The following FGF14 variants were observed in gnomAD, a reference collection of about 807,000 sequenced individuals.
The protein encoded by FGF14 is fibroblast growth factor 14.
In FGF14, 5 loss-of-function variants were observed where a neutral mutation model predicts 25.5. The ratio of observed to expected loss-of-function variants is 0.20; its 90% confidence interval spans 0.10 to 0.41. The LOEUF (loss-of-function observed/expected upper bound fraction) is 0.41, where lower values mean the gene tolerates loss of function less well. Ranked by LOEUF, FGF14 falls within the 10% of genes least tolerant of loss-of-function variation. The pLI is 1.00. For missense variants in FGF14, 222 were observed against 320.1 expected (o/e 0.69, Z 2.34); for synonymous variants, 138 against 118.3 (o/e 1.17, Z -1.08).
intron 1 of FGF14, among the ~76,000 whole-genome samples, chr13:102,008,540 C>T (rs116574584): frequency 0.015 from 2,244 of 152,256 alleles, 67 homozygotes; most frequent in African/African-American, 0.052. Context: ...AAGATAGTGA[C>T]GTTCAGTCAT....
At chr13:101,786,989 C>T (rs1198613942) in intron 3 of FGF14, among the ~76,000 whole-genome samples, 28 of 152,112 alleles carry the variant, frequency 1.8e-4, no homozygotes, top group Admixed American at 1.8e-3. Context: ...TTAATCCTGT[C>T]CCACCTTCTA....
intron 1 of FGF14, among the ~76,000 whole-genome samples, chr13:101,978,250 T>A (rs1434841217): frequency 6.6e-6 from 1 of 152,246 alleles, no homozygotes; most frequent in Non-Finnish European, 1.5e-5. Flanking sequence ...GTCCTTGCCT[T>A]GCTAATGAAG....
intron 3 of FGF14, among the ~76,000 whole-genome samples, chr13:101,812,611 CTATATATATATATATATATATATATATA>C (rs35878751): frequency 8.1e-5 from 1 of 12,376 alleles, no homozygotes; most frequent in Admixed American, 1.6e-3. Context: ...ATTTTTAAAA[CTATATATATATATATATATATATATATA>C]TATATATATA....
At position 101,916,130 on chromosome 13, in the gene FGF14, C is replaced by T. The variant is rs559599354; in HGVS notation, c.193+323G>A. On this transcript the variant is annotated intron_variant, in intron 1 of 4. Transcript: ENST00000376143. ...GGAAGGGGTGCCCCGCGTTCCAGAG[C>T]CAGTGCCAGTCCCTATCCTCCCGGG... Among the ~76,000 whole-genome samples, 6 of 152,334 alleles carry T rather than the reference C, an allele frequency of 3.9e-5. No homozygotes were observed. The East Asian group carries it at 1.2e-3, about 29-fold the overall frequency.
intron 1 of FGF14, among the ~76,000 whole-genome samples, chr13:102,123,436 A>G (rs2045818765): frequency 6.6e-6 from 1 of 152,210 alleles, no homozygotes; most frequent in South Asian, 2.1e-4. Context: ...TGCTGCTGCT[A>G]TAGAAATTTA....
At chr13:102,174,135 CTTTTTTT>C (rs35882587) in intron 1 of FGF14, among the ~76,000 whole-genome samples, 1 of 129,418 alleles carries the variant, frequency 7.7e-6, no homozygotes, top group African/African-American at 2.9e-5. Context: ...ATCAGCATTT[CTTTTTTT>C]TTTTTTTTTT....
intron 3 of FGF14, among the ~76,000 whole-genome samples, chr13:101,774,279 G>A (rs1452702173): frequency 6.6e-6 from 1 of 152,090 alleles, no homozygotes; most frequent in Non-Finnish European, 1.5e-5. Context: ...CACTGTCCAG[G>A]CAGATGTGTC....
At chr13:102,367,242 C>T (rs1237790690) in intron 1 of FGF14, 1 of 152,222 alleles carries the variant, frequency 6.6e-6, no homozygotes, top group Non-Finnish European at 1.5e-5. Context: ...TGAAGGCTGA[C>T]CTGGGTTGAC....
At chr13:101,762,299 T>C (rs746638381) in intron 3 of FGF14, among the ~76,000 whole-genome samples, 12 of 152,240 alleles carry the variant, frequency 7.9e-5, no homozygotes, top group Non-Finnish European at 1.6e-4. Context: ...TGGCAATATA[T>C]GCCTTCAGCT....
At position 101,875,245 on chromosome 13, in the gene FGF14, T is replaced by C; in HGVS notation, c.245A>G (p.Tyr82Cys). 1 of 1,613,498 alleles carries C rather than the reference T, an allele frequency of 6.2e-7. No homozygotes were observed. The highest frequency in any genetic ancestry group is 8.5e-7 in the Non-Finnish European group (1 of 1,179,536). The change falls in exon 2 of 5, where the codon TAC becomes TGC. Residue 82 changes from tyrosine (Y) to cysteine (C), a missense_variant. Around this residue, in one of 5 missense-constraint regions of FGF14, gnomAD observed 50 missense variants for 75.2 expected, o/e 0.66. Coordinates refer to ENST00000376143, the MANE Select transcript of FGF14 (RefSeq NM_004115.4). Reference sequence around the variant, plus strand: ...AGCTCCATCGGGGTGCATTTGCAAGTAGTAGCCTTGCCTGCAATATAACCT... The same window carrying C: ...AGCTCCATCGGGGTGCATTTGCAAGCAGTAGCCTTGCCTGCAATATAACCT... ...VTRLYCRQGY[Y>C]LQMHPDGALD...
rs151112998 is a variant in FGF14 at position 102,362,053 on chromosome 13, C to G, written c.208+39418G>C. On this transcript the variant is annotated intron_variant, in intron 1 of 4. Coordinates refer to the FGF14 transcript ENST00000376131. ...TTCTTATTTGAAGTATTGTCGTGCC[C>G]TTCTTCCTGGGGCCACTGCTGCTGG... Among the ~76,000 whole-genome samples the G allele has an allele frequency of 3.6e-3, 547 of 152,220 alleles. 2 individuals are homozygous for G. Among genetic ancestry groups the G allele is most frequent in the Non-Finnish European group, 5.5e-3 (376 of 68,010 alleles).
intron 1 of FGF14, among the ~76,000 whole-genome samples, chr13:102,197,659 T>C (rs1427158082): frequency 6.6e-6 from 1 of 151,784 alleles, no homozygotes; most frequent in African/African-American, 2.4e-5. Context: ...TACACATATA[T>C]AGATACATAT....
At chr13:101,940,408 A>C (rs1260604594) in intron 1 of FGF14, among the ~76,000 whole-genome samples, 1 of 152,182 alleles carries the variant, frequency 6.6e-6, no homozygotes, top group Non-Finnish European at 1.5e-5. Flanking sequence ...CCCTGTGCAC[A>C]CCTGTTCTTT....
chr13:102,085,211 C>CTT (rs36051988), intron 1 of FGF14, among the ~76,000 whole-genome samples: 4 of 151,598 alleles, frequency 2.6e-5, no homozygotes, highest in Non-Finnish European at 5.9e-5. Context: ...TTTCTCTTTC[C>CTT]TTTTTTCCCC....
intron 3 of FGF14, among the ~76,000 whole-genome samples, chr13:101,761,185 T>A (rs1405127762): frequency 6.6e-6 from 1 of 152,218 alleles, no homozygotes; most frequent in Non-Finnish European, 1.5e-5. Flanking sequence ...GTAGTTTACA[T>A]GTAAAAATAA....
chr13:101,970,516 C>T (rs2037528618), intron 1 of FGF14, among the ~76,000 whole-genome samples: 1 of 152,110 alleles, frequency 6.6e-6, no homozygotes, highest in African/African-American at 2.4e-5. Context: ...TGAGTACTTC[C>T]AACTAAAGAA....
At chr13:102,316,033 T>C (rs995831999) in intron 1 of FGF14, among the ~76,000 whole-genome samples, 1 of 152,200 alleles carries the variant, frequency 6.6e-6, no homozygotes, top group South Asian at 2.1e-4. Context: ...GAATAAAGCA[T>C]TTGGCCAGTG....
chr13:102,140,058 T>A (rs1001472480), intron 1 of FGF14, among the ~76,000 whole-genome samples: 2 of 100,046 alleles, frequency 2.0e-5, no homozygotes, highest in Non-Finnish European at 2.0e-5. Flanking sequence ...CCCCCCCCCT[T>A]ACAGCAGTAA....
chr13:101,770,306 C>A (rs893740919), intron 3 of FGF14, among the ~76,000 whole-genome samples: 3 of 151,928 alleles, frequency 2.0e-5, no homozygotes, highest in African/African-American at 4.8e-5. Context: ...CTCATGTTTG[C>A]TATATATTTT....
Sources: allele counts gnomAD v4.1 joint callset (sites outside exome capture counted in the v4.1 genomes callset), GRCh38; gene constraint gnomAD v4.1.1; regional missense constraint gnomAD v4.1.1; transcripts MANE v1.5; gene names NCBI Gene and HGNC (gene_info 2026-07-23, HGNC 2026-07-21).